CCDC190: variants seen among roughly 807,000 people sequenced by gnomAD.
The protein encoded by CCDC190 is coiled-coil domain-containing protein 190.
A neutral mutation model predicts 13.1 loss-of-function variants in CCDC190; 10 were observed. The observed-to-expected ratio is 0.77, with a 90% CI of 0.47 to 1.30. The LOEUF (loss-of-function observed/expected upper bound fraction) is 1.30, where lower values mean the gene tolerates loss of function less well. Ranked by LOEUF, CCDC190 falls within the 50% of genes most tolerant of loss-of-function variation. The pLI is 0.00. For synonymous variants in CCDC190, 136 were observed against 127.2 expected, an observed-to-expected ratio of 1.07 and a Z score of -0.47; for missense variants, 375 against 354.3, an observed-to-expected ratio of 1.06 and a Z score of -0.47.
At chr1:162,867,751 A>C (rs1650758216) in intron 1 of CCDC190, among the ~76,000 whole-genome samples, 1 of 152,222 alleles carries the variant, frequency 6.6e-6, no homozygotes, top group Non-Finnish European at 1.5e-5. Flanking sequence ...ACCACTCAGC[A>C]ATAAAAATAA....
rs1650178304 is a variant in CCDC190 at position 162,853,382 on chromosome 1, T to A, written c.*1383A>T. Among the ~76,000 whole-genome samples the A allele has an allele frequency of 6.6e-6, 1 of 152,300 alleles. No individual in the cohort carries two copies. Among genetic ancestry groups the A allele is most frequent in the Admixed American group, 6.5e-5 (1 of 15,300 alleles). The stretch of plus-strand genomic sequence containing the variant: ...TGCAAAGAAAACTTTTGCAGCATTG[T>A]TTTGAGGATCAGTTGGCATGCTGTG... On this transcript the variant is annotated 3_prime_UTR_variant, in exon 4 of 4. Coordinates refer to ENST00000367912, the MANE Select transcript of CCDC190 (RefSeq NM_001394065.1).
rs1448905168 is a variant in CCDC190 at position 162,855,785 on chromosome 1, A to G, written c.188-30T>C. 5 of 1,549,330 alleles carry G rather than the reference A, an allele frequency of 3.2e-6. No individual in the cohort carries two copies. In the South Asian group the frequency reaches 4.8e-5, roughly 15 times the overall value. On this transcript the variant is annotated intron_variant, in intron 2 of 3. Transcript: ENST00000367912. The stretch of plus-strand genomic sequence containing the variant: ...TTTGAGTTAATTAAGAAGTGTTATG[A>G]GTTGGATTGTGTCCTTAAATTTTTT...
chr1:162,863,076 A>G (rs569274983), upstream of CCDC190, among the ~76,000 whole-genome samples: 1 of 152,346 alleles, frequency 6.6e-6, no homozygotes, highest in Non-Finnish European at 1.5e-5. Flanking sequence ...TCATTCTCAG[A>G]TCATGTTCTT....
chr1:162,854,857 T>C lies in CCDC190; in HGVS notation c.814A>G (p.Ile272Val). 1 of 1,614,036 alleles carries C rather than the reference T, an allele frequency of 6.2e-7. No individual in the cohort carries two copies. The highest frequency in any genetic ancestry group is 1.1e-5 in the South Asian group (1 of 91,084). The change falls in exon 4 of 4, where the codon ATT becomes GTT. Residue 272 changes from isoleucine to valine, a missense_variant. Ile to Val is a conservative substitution (Grantham distance 29). Coordinates refer to ENST00000367912, the MANE Select transcript of CCDC190 (RefSeq NM_001394065.1). Reference sequence around the variant, plus strand: ...TCCCCATGCCCAAATATCTCTCCAATGCTAAGCAACCTCTCAGACTCAGGG... The same window carrying C: ...TCCCCATGCCCAAATATCTCTCCAACGCTAAGCAACCTCTCAGACTCAGGG... ...VPPESERLLS[I>V]GEIFGHGESS...
At position 162,854,660 on chromosome 1, in the gene CCDC190, C is replaced by T; in HGVS notation, c.*105G>A. The T allele has an allele frequency of 5.6e-6, 8 of 1,436,100 alleles. No individual in the cohort carries two copies. Among genetic ancestry groups the T allele is most frequent in the Non-Finnish European group, 7.3e-6 (8 of 1,096,178 alleles). 89.0% of individuals were successfully genotyped at this position (1,436,100 alleles called of 1,614,324 possible). On this transcript the variant is annotated 3_prime_UTR_variant, in exon 4 of 4. Coordinates refer to ENST00000367912, the MANE Select transcript of CCDC190 (RefSeq NM_001394065.1). ...GGGAGTTTAAAATAAAATTGTAATT[C>T]AATTATGTTTGTTTGTTTTTCTCTG...
rs1050840573 is a variant in CCDC190, at chr1:162,853,571, T to C, written c.*1194A>G. 1.3e-5 allele frequency among the ~76,000 whole-genome samples: 2 copies of C among 152,236 alleles called. No individual in the cohort carries two copies. Among genetic ancestry groups the C allele is most frequent in the Non-Finnish European group, 2.9e-5 (2 of 68,038 alleles). On this transcript the variant is annotated 3_prime_UTR_variant, in exon 4 of 4. Transcript: ENST00000367912. ...CTATAAATTAAATATGAATTAATCT[T>C]CATTTCAGGCCCTTTGTAATATTAG... is the stretch of plus-strand genomic sequence containing the variant.
At chr1:162,864,512 G>T (rs897149071), upstream of CCDC190, among the ~76,000 whole-genome samples, 1 of 152,116 alleles carries the variant, frequency 6.6e-6, no homozygotes, top group Admixed American at 6.6e-5. Context: ...TCTTTAAAAT[G>T]TAATTAACTG....
At chr1:162,855,861 T>C (rs1650285533) in intron 2 of CCDC190, 106 bp from the exon 3 acceptor site, 1 of 982,342 alleles carries the variant, frequency 1.0e-6, no homozygotes, top group Non-Finnish European at 1.5e-6. Flanking sequence ...TATTTGGAGA[T>C]AAGGTCTTTA....
rs1041269734 is a variant in CCDC190 at position 162,855,131 on chromosome 1, A to G, written c.540T>C (p.Asn180=). Residue 180 remains asparagine, a synonymous_variant, in exon 4 of 4, where the codon AAT becomes AAC. Transcript: ENST00000367912. The part of the protein sequence containing the change: ...PSKGISVPCQ[N]QEVSTNTIEQ... ...CTATGGTGTTGGTGGAAACCTCTTG[A>G]TTTTGGCATGGAACAGAGATGCCCT... 3 of 1,613,704 alleles carry G rather than the reference A, an allele frequency of 1.9e-6. No homozygotes were observed. In the African/African-American group the frequency reaches 4.0e-5, roughly 22 times the overall value.
intron 2 of CCDC190, among the ~76,000 whole-genome samples, chr1:162,856,526 C>A (rs1282046086): frequency 6.6e-6 from 1 of 152,210 alleles, no homozygotes; most frequent in East Asian, 1.9e-4. Flanking sequence ...CCAGCCGTGA[C>A]TAAGTGGACT....
upstream of CCDC190, among the ~76,000 whole-genome samples, chr1:162,864,642 TTA>T (rs1650637415): frequency 6.6e-6 from 1 of 152,164 alleles, no homozygotes; most frequent in Admixed American, 6.5e-5. Flanking sequence ...TATAAGGTTC[TTA>T]TAATATATTT....
rs2102256913 is a variant in CCDC190, at chr1:162,853,369, T to G, written c.*1396A>C. Among the ~76,000 whole-genome samples, 1 of 152,294 alleles carries G rather than the reference T, an allele frequency of 6.6e-6. No homozygotes were observed. Among genetic ancestry groups the G allele is most frequent in the South Asian group, 2.1e-4 (1 of 4,818 alleles). The stretch of plus-strand genomic sequence containing the variant: ...AAGAAAACTATTTTGCAAAGAAAAC[T>G]TTTGCAGCATTGTTTTGAGGATCAG... On this transcript the variant is annotated 3_prime_UTR_variant, in exon 4 of 4. Coordinates refer to ENST00000367912, the MANE Select transcript of CCDC190 (RefSeq NM_001394065.1).
upstream of CCDC190, among the ~76,000 whole-genome samples, chr1:162,862,694 T>A (rs1001871237): frequency 4.6e-5 from 7 of 152,240 alleles, no homozygotes; most frequent in African/African-American, 1.7e-4. Context: ...ATACCAGTCA[T>A]GCCTTAGCAT....
chr1:162,861,113 T>C lies in CCDC190; in HGVS notation c.-118A>G. ...TTTTTCTTCAGTAAACTTAGGAGTTTGGTGTTTGGAGAAAGGATAGAGGGA... is the reference window on the plus strand; with the variant it reads ...TTTTTCTTCAGTAAACTTAGGAGTTCGGTGTTTGGAGAAAGGATAGAGGGA... On this transcript the variant is annotated 5_prime_UTR_variant, in exon 1 of 4. Coordinates refer to ENST00000367912, the MANE Select transcript of CCDC190 (RefSeq NM_001394065.1). 4 of 730,900 alleles carry C rather than the reference T, an allele frequency of 5.5e-6. No homozygotes were observed. The highest frequency in any genetic ancestry group is 6.7e-6 in the Non-Finnish European group (4 of 597,370). 45.3% of individuals were successfully genotyped at this position (730,900 alleles called of 1,614,324 possible).
Position 162,853,140 on chromosome 1 carries a change from C to T in CCDC190, c.*1625G>A. On this transcript the variant is annotated 3_prime_UTR_variant, in exon 4 of 4. Coordinates refer to ENST00000367912, the MANE Select transcript of CCDC190 (RefSeq NM_001394065.1). ...CCTTTCACTATAAAGTATTGTCTCC[C>T]CATTGAAGGCCAGAGGCTGGGCTGA... 1.9e-6 allele frequency: 3 copies of T among 1,548,900 alleles called. No individual in the cohort carries two copies. Among genetic ancestry groups the T allele is most frequent in the Non-Finnish European group, 2.6e-6 (3 of 1,146,124 alleles).
Position 162,854,577 on chromosome 1 carries a change from C to T in CCDC190, c.*188G>A, listed in dbSNP as rs1032058603. 7.3e-7 allele frequency: 1 copy of T among 1,368,036 alleles called. No individual in the cohort carries two copies. The highest frequency in any genetic ancestry group is 1.5e-5 in the African/African-American group (1 of 68,856). The allele number at this position is 1,368,036 out of a possible 1,614,324, so 84.7% of individuals were successfully genotyped here. On this transcript the variant is annotated 3_prime_UTR_variant, in exon 4 of 4. Transcript: ENST00000367912. ...TTTTCAGAAGATTCATTCTTCCTCTCCTTTTTCATATATTAGCATTGTTCA... is the reference window on the plus strand; with the variant it reads ...TTTTCAGAAGATTCATTCTTCCTCTTCTTTTTCATATATTAGCATTGTTCA...
Position 162,851,774 on chromosome 1 carries a change from T to C in CCDC190, c.*2991A>G, listed in dbSNP as rs2102255635. 6.6e-6 allele frequency: 1 copy of C among 152,288 alleles called. No individual in the cohort carries two copies. Among genetic ancestry groups the C allele is most frequent in the South Asian group, 2.1e-4 (1 of 4,826 alleles). 9.4% of individuals were successfully genotyped at this position (152,288 alleles called of 1,614,324 possible). ...ATGAATGAATGAATGTAATAAAAAATGTTTCCTCAAAATTGAAGTATAAAT... is the reference window on the plus strand; with the variant it reads ...ATGAATGAATGAATGTAATAAAAAACGTTTCCTCAAAATTGAAGTATAAAT... On this transcript the variant is annotated 3_prime_UTR_variant, in exon 4 of 4. Transcript: ENST00000367912.
In CCDC190 at chr1:162,859,570, G is replaced by T; in HGVS notation, c.77C>A (p.Ala26Asp). The part of the protein sequence containing the change: ...LERKNAKQAE[A>D]RLDQRLQRLK... ...TCTCTGCAGTCTTTGGTCCAGTCTG[G>T]CTTCAGCCTGCTTGGCATTCTTCCT... The change falls in exon 2 of 4, where the codon GCC (alanine) becomes GAC (aspartate). Residue 26 changes from alanine to aspartate, a missense_variant. Ala to Asp is a moderately radical substitution (Grantham distance 126). Coordinates refer to ENST00000367912, the MANE Select transcript of CCDC190 (RefSeq NM_001394065.1). 6.2e-7 allele frequency: 1 copy of T among 1,613,914 alleles called. No homozygotes were observed. The highest frequency in any genetic ancestry group is 8.5e-7 in the Non-Finnish European group (1 of 1,179,856).
rs768455579 is a variant in CCDC190 at position 162,859,564 on chromosome 1, A to T, written c.83T>A (p.Leu28Gln). ...RKNAKQAEAR[L>Q]DQRLQRLKVI... The stretch of plus-strand genomic sequence containing the variant: ...CTTTAGTCTCTGCAGTCTTTGGTCC[A>T]GTCTGGCTTCAGCCTGCTTGGCATT... Residue 28 changes from leucine to glutamine, a missense_variant, in exon 2 of 4, where the codon CTG becomes CAG. Coordinates refer to ENST00000367912, the MANE Select transcript of CCDC190 (RefSeq NM_001394065.1). 1 of 1,613,986 alleles carries T rather than the reference A, an allele frequency of 6.2e-7. No homozygotes were observed. The highest frequency in any genetic ancestry group is 8.5e-7 in the Non-Finnish European group (1 of 1,179,880).
Sources: allele counts gnomAD v4.1 joint callset (sites outside exome capture counted in the v4.1 genomes callset), GRCh38; gene constraint gnomAD v4.1.1; transcripts MANE v1.5; gene names NCBI Gene and HGNC (gene_info 2026-07-23, HGNC 2026-07-21).